OLFML2B: variants seen among roughly 807,000 people sequenced by gnomAD.
OLFML2B encodes olfactomedin-like protein 2B.
A neutral mutation model predicts 74.9 loss-of-function variants in OLFML2B; 57 were observed. The ratio of observed to expected loss-of-function variants is 0.76; its 90% CI spans 0.61 to 0.95. The LOEUF is 0.95. Among genes scored for constraint, OLFML2B ranks in the 40% least tolerant of loss-of-function variants. The pLI, the probability that OLFML2B is intolerant of heterozygous loss-of-function variation, is 0.00. For missense variants in OLFML2B, 986 were observed against 970.6 expected (o/e 1.02, Z -0.21); for synonymous variants, 388 against 405.8 (o/e 0.96, Z 0.53).
chr1:161,989,919 C>T (rs139541031), intron 6 of OLFML2B, among the ~76,000 whole-genome samples: 252 of 152,316 alleles, frequency 1.7e-3, no homozygotes, highest in African/African-American at 5.9e-3. Flanking sequence ...GCTCCGAAAG[C>T]AGGAAGAAGG....
At chr1:161,993,053 A>G (rs888955387) in intron 6 of OLFML2B, among the ~76,000 whole-genome samples, 3 of 152,180 alleles carry the variant, frequency 2.0e-5, no homozygotes, top group African/African-American at 7.2e-5. Flanking sequence ...ATAGCATGGA[A>G]CAGCAAATAA....
At position 162,020,201 on chromosome 1, in the gene OLFML2B, G is replaced by C; in HGVS notation, c.175-19C>G. On this transcript the variant is annotated intron_variant, in intron 1 of 7. Coordinates refer to ENST00000294794, the MANE Select transcript of OLFML2B (RefSeq NM_015441.3). ...CCAGCAACTAGACACACAGAAAACG[G>C]GTTAGGGGCATGCAAACACAGGTGT... 1.2e-6 allele frequency: 2 copies of C among 1,610,972 alleles called. No homozygotes were observed. The highest frequency in any genetic ancestry group is 1.7e-6 in the Non-Finnish European group (2 of 1,177,510).
In OLFML2B at chr1:161,996,406, G is replaced by A. The variant is rs1322622867; in HGVS notation, c.1474+1419C>T. Among the ~76,000 whole-genome samples the A allele has an allele frequency of 2.0e-5, 3 of 152,214 alleles. No homozygotes were observed. In the East Asian group the frequency reaches 5.8e-4, roughly 29 times the overall value. On this transcript the variant is annotated intron_variant, in intron 6 of 7. Transcript: ENST00000294794. ...GTCACACAGCTATCAATGGCAGAGA[G>A]CAGTGTCTGACTCCTGGCAGGTACT...
intron 3 of OLFML2B, among the ~76,000 whole-genome samples, chr1:162,009,080 G>A (rs1273246959): frequency 6.6e-6 from 1 of 152,174 alleles, no homozygotes; most frequent in African/African-American, 2.4e-5. Flanking sequence ...GGGTTCAAGC[G>A]TGAGCAAGGC....
intron 2 of OLFML2B, among the ~76,000 whole-genome samples, chr1:162,017,767 C>T (rs1158146609): frequency 1.3e-5 from 2 of 152,202 alleles, no homozygotes; most frequent in African/African-American, 4.8e-5. Context: ...GACCTCTTCA[C>T]AAACTGTTTA....
Position 161,983,735 on chromosome 1 carries a change from G to T in OLFML2B, c.2193C>A (p.Arg731=). 1 of 1,613,890 alleles carries T rather than the reference G, an allele frequency of 6.2e-7. No homozygotes were observed. ...TTQIDYNPKD[R]LLYAWDNGHQ... ...GGCCATTGTCCCAGGCATAGAGCAG[G>T]CGGTCCTTGGGGTTGTAGTCTATCT... is the stretch of plus-strand genomic sequence containing the variant. The change falls in exon 8 of 8, where the codon CGC becomes CGA. Residue 731 remains arginine (R), a synonymous_variant. Coordinates refer to ENST00000294794, the MANE Select transcript of OLFML2B (RefSeq NM_015441.3).
At chr1:161,984,575 C>A (rs9427066) in intron 7 of OLFML2B, among the ~76,000 whole-genome samples, 3 of 152,126 alleles carry the variant, frequency 2.0e-5, no homozygotes, top group African/African-American at 7.2e-5. Flanking sequence ...CTTCTGGACT[C>A]GGAGGTTTTT....
rs188812158 is a variant in OLFML2B, at chr1:162,000,214, A to T, written c.848T>A (p.Val283Asp). Reference sequence around the variant, plus strand: ...GGAGGCCGGCCGGCCTCTCAGGTGGACCTGCCTCTGCAGGGGCCGCTGTGA... The same window carrying T: ...GGAGGCCGGCCGGCCTCTCAGGTGGTCCTGCCTCTGCAGGGGCCGCTGTGA... The part of the protein sequence containing the change: ...VKSQRPLQRQ[V>D]HLRGRPASQP... Residue 283 changes from valine to aspartate, a missense_variant, in exon 5 of 8, where the codon GTC becomes GAC. By Grantham distance (152) the Val-to-Asp change is radical. Coordinates refer to ENST00000294794, the MANE Select transcript of OLFML2B (RefSeq NM_015441.3). The T allele has an allele frequency of 6.2e-7, 1 of 1,612,364 alleles. No individual in the cohort carries two copies. Among genetic ancestry groups the T allele is most frequent in the Non-Finnish European group, 8.5e-7 (1 of 1,179,792 alleles).
At chr1:161,991,885 C>T (rs1403168442) in intron 6 of OLFML2B, among the ~76,000 whole-genome samples, 1 of 152,106 alleles carries the variant, frequency 6.6e-6, no homozygotes, top group Non-Finnish European at 1.5e-5. Flanking sequence ...TTCTTAAGGG[C>T]CCTAGGATTT....
At chr1:162,008,627 CA>C (rs1299444066) in intron 3 of OLFML2B, among the ~76,000 whole-genome samples, 1 of 152,220 alleles carries the variant, frequency 6.6e-6, no homozygotes, top group Non-Finnish European at 1.5e-5. Flanking sequence ...CCTCACTATT[CA>C]AAGTGTGGTG....
At chr1:162,014,992 C>T (rs1690490294) in intron 3 of OLFML2B, among the ~76,000 whole-genome samples, 1 of 152,170 alleles carries the variant, frequency 6.6e-6, no homozygotes, top group African/African-American at 2.4e-5. Context: ...GGACCAGGAA[C>T]CAGAAGGCCC....
chr1:162,017,272 T>A, intron 3 of OLFML2B, 128 bp downstream of exon 3: 1 of 654,454 alleles, frequency 1.5e-6, no homozygotes, highest in Non-Finnish European at 2.6e-6. Flanking sequence ...ATGTATATTT[T>A]CCCTTTCATA....
At chr1:161,984,671 A>T in intron 7 of OLFML2B, 133 bp downstream of exon 7, 1 of 932,080 alleles carries the variant, frequency 1.1e-6, no homozygotes, top group Non-Finnish European at 1.7e-6. Flanking sequence ...TCTCCAAGGA[A>T]AGGTCCTTTA....
intron 4 of OLFML2B, among the ~76,000 whole-genome samples, chr1:162,004,654 A>G (rs1690170620): frequency 6.6e-6 from 1 of 152,096 alleles, no homozygotes; most frequent in South Asian, 2.1e-4. Context: ...TGCCCTACCC[A>G]AGAGTTTCAA....
intron 6 of OLFML2B, among the ~76,000 whole-genome samples, chr1:161,993,757 T>C (rs1327530871): frequency 6.6e-6 from 1 of 152,202 alleles, no homozygotes; most frequent in African/African-American, 2.4e-5. Flanking sequence ...CTCTGCCCTC[T>C]GAGCCTGGTG....
intron 2 of OLFML2B, 26 bp from the exon 3 acceptor site, chr1:162,017,533 C>A: frequency 6.4e-7 from 1 of 1,563,252 alleles, no homozygotes; most frequent in South Asian, 1.1e-5. Flanking sequence ...AGGGGTTAGT[C>A]CAGGGCTGGG....
chr1:161,984,746 A>G lies in OLFML2B; in HGVS notation c.1651+58T>C, dbSNP rs530895586. On this transcript the variant is annotated intron_variant, in intron 7 of 7. Transcript: ENST00000294794. The stretch of plus-strand genomic sequence containing the variant: ...CCACCCAAAGAGGCCTGGCTGTGAT[A>G]AAAACAGAGGACGTGGGGAAGGGAA... 1.1e-5 allele frequency: 17 copies of G among 1,554,648 alleles called. 1 individual carries two copies. The South Asian group carries it at 2.0e-4, about 19-fold the overall frequency.
At chr1:162,005,958 A>G (rs984595976) in intron 4 of OLFML2B, among the ~76,000 whole-genome samples, 1 of 150,826 alleles carries the variant, frequency 6.6e-6, no homozygotes, top group African/African-American at 2.4e-5. Context: ...GTAAACCAGG[A>G]TGGTCCCAGA....
chr1:162,014,463 T>C (rs1690476613), intron 3 of OLFML2B, among the ~76,000 whole-genome samples: 1 of 152,194 alleles, frequency 6.6e-6, no homozygotes, highest in Non-Finnish European at 1.5e-5. Context: ...CAACCATTGA[T>C]CTTACTCTGG....
Sources: gnomAD v4.1 joint callset for allele counts (sites outside exome capture counted in the v4.1 genomes callset) on GRCh38, gnomAD v4.1.1 for gene constraint, MANE v1.5 for transcripts, NCBI Gene and HGNC (gene_info 2026-07-23, HGNC 2026-07-21) for gene names.